LRFN5: variants seen among roughly 807,000 people sequenced by gnomAD.
The protein encoded by LRFN5 is leucine rich repeat and fibronectin type III domain containing 5.
Under a neutral mutation model 45.6 loss-of-function variants are expected in LRFN5, and 24 were observed. That is an observed-to-expected ratio of 0.53 (90% confidence interval 0.38 to 0.74). The LOEUF is 0.74. Ranked by LOEUF, LRFN5 falls within the 30% of genes least tolerant of loss-of-function variation. The pLI is 0.00. For missense variants in LRFN5, 776 were observed against 861.5 expected (o/e 0.90, Z 1.24); for synonymous variants, 340 against 313.8 (o/e 1.08, Z -0.88).
chr14:41,757,484 C>G (rs184993475), intron 1 of LRFN5, among the ~76,000 whole-genome samples: 14 of 152,372 alleles, frequency 9.2e-5, no homozygotes, highest in African/African-American at 3.4e-4. Flanking sequence ...GCCTCGCTGC[C>G]GCCTTGCAGT....
intron 2 of LRFN5, among the ~76,000 whole-genome samples, chr14:41,784,620 TGTGTGTGTGTTTG>T (rs1436077360): frequency 2.9e-4 from 22 of 77,076 alleles, no homozygotes; most frequent in African/African-American, 1.4e-3. Context: ...TGTGTGTGTA[TGTGTGTGTGTTTG>T]TGTGTGTGTG....
intron 1 of LRFN5, chr14:41,700,698 CAT>C (rs974988546): frequency 4.5e-4 from 69 of 152,032 alleles, no homozygotes; most frequent in African/African-American, 1.6e-3. Context: ...GGGATATAAT[CAT>C]AAAATCATAG....
At chr14:41,773,830 T>C (rs1886180072) in intron 2 of LRFN5, among the ~76,000 whole-genome samples, 1 of 152,236 alleles carries the variant, frequency 6.6e-6, no homozygotes, top group Non-Finnish European at 1.5e-5. Flanking sequence ...TAAACTATTG[T>C]GGTTAATATG....
At chr14:41,674,498 C>CG (rs1295781415) in intron 1 of LRFN5, among the ~76,000 whole-genome samples, 10 of 141,096 alleles carry the variant, frequency 7.1e-5, no homozygotes, top group African/African-American at 1.9e-4. Context: ...GCTGGCCGGG[C>CG]GGGGGGCTGA....
intron 1 of LRFN5, among the ~76,000 whole-genome samples, chr14:41,679,563 C>A (rs776320220): frequency 6.6e-6 from 1 of 152,088 alleles, no homozygotes; most frequent in Non-Finnish European, 1.5e-5. Context: ...AAATTCATCA[C>A]CTGCTGACTA....
chr14:41,852,245 A>C lies in LRFN5; in HGVS notation c.-20-34361A>C, dbSNP rs76071408. On this transcript the variant is annotated intron_variant, in intron 2 of 5. Transcript: ENST00000298119. ...TGTTAATTCACTCTCAGAAGTTGGC[A>C]AATAACATAATTAAATGAATCTATA... 6.9e-3 allele frequency among the ~76,000 whole-genome samples: 1,048 copies of C among 152,044 alleles called. 17 individuals carry two copies. Among genetic ancestry groups the C allele is most frequent in the African/African-American group, 0.024 (1,010 of 41,556 alleles).
At chr14:41,808,609 G>A (rs1887629875) in intron 2 of LRFN5, among the ~76,000 whole-genome samples, 1 of 150,524 alleles carries the variant, frequency 6.6e-6, no homozygotes, top group South Asian at 2.1e-4. Context: ...AAGGAAGGAA[G>A]GGACCTATGA....
At chr14:41,668,733 T>G (rs1488468309) in intron 1 of LRFN5, among the ~76,000 whole-genome samples, 1 of 152,148 alleles carries the variant, frequency 6.6e-6, no homozygotes, top group Non-Finnish European at 1.5e-5. Context: ...AAGTCTCAGA[T>G]TTGAAATAAG....
At position 41,886,633 on chromosome 14, in the gene LRFN5, A is replaced by G; in HGVS notation, c.8A>G (p.Lys3Arg). The G allele has an allele frequency of 3.8e-6, 6 of 1,576,488 alleles. No homozygotes were observed. Among genetic ancestry groups the G allele is most frequent in the Non-Finnish European group, 5.1e-6 (6 of 1,166,394 alleles). The change falls in exon 3 of 6, where the codon AAA becomes AGA. Residue 3 changes from lysine (K) to arginine (R), a missense_variant. Lys to Arg is a conservative substitution (Grantham distance 26). This residue lies in a region of LRFN5 where 311 missense variants were observed against 405.1 expected (regional missense o/e 0.77). Transcript: ENST00000298119. ME[K>R]ILFYLFLIGI... ...TCTTAAACCTGATCTACAATGGAAA[A>G]AATTCTTTTTTATCTGTTTCTCATT...
intron 2 of LRFN5, among the ~76,000 whole-genome samples, chr14:41,882,492 G>T (rs1478027221): frequency 6.6e-6 from 1 of 152,062 alleles, no homozygotes; most frequent in East Asian, 1.9e-4. Context: ...GAAAAGCAAG[G>T]TTGCCTGAAG....
intron 1 of LRFN5, among the ~76,000 whole-genome samples, chr14:41,651,544 T>A (rs1880126401): frequency 6.6e-6 from 1 of 152,174 alleles, no homozygotes; most frequent in African/African-American, 2.4e-5. Flanking sequence ...ATTCTCTAAT[T>A]TCTCCATGTA....
At chr14:41,799,410 C>T (rs550230198) in intron 2 of LRFN5, among the ~76,000 whole-genome samples, 1 of 151,922 alleles carries the variant, frequency 6.6e-6, no homozygotes, top group South Asian at 2.1e-4. Flanking sequence ...CAAATACAAA[C>T]TTAACAACTA....
chr14:41,862,028 G>C (rs1322710339), intron 2 of LRFN5, among the ~76,000 whole-genome samples: 3 of 152,094 alleles, frequency 2.0e-5, no homozygotes, highest in African/African-American at 2.4e-5. Flanking sequence ...ATATTTGGCA[G>C]TACCCCTCCG....
chr14:41,718,421 G>A (rs1230276501), intron 1 of LRFN5, among the ~76,000 whole-genome samples: 1 of 152,040 alleles, frequency 6.6e-6, no homozygotes, highest in Non-Finnish European at 1.5e-5. Flanking sequence ...TGTTTGACAT[G>A]GATTAAAAAG....
At chr14:41,723,463 A>C (rs79247143) in intron 1 of LRFN5, among the ~76,000 whole-genome samples, 1 of 152,176 alleles carries the variant, frequency 6.6e-6, no homozygotes, top group South Asian at 2.1e-4. Flanking sequence ...TTCTTGCACC[A>C]AGATTTCTGC....
intron 2 of LRFN5, among the ~76,000 whole-genome samples, chr14:41,857,218 T>G: frequency 6.6e-6 from 1 of 152,150 alleles, no homozygotes; most frequent in East Asian, 1.9e-4. Context: ...TAGATAAAAC[T>G]CAAGAAAAAA....
chr14:41,757,833 A>G (rs1277325597), intron 1 of LRFN5, among the ~76,000 whole-genome samples: 1 of 152,102 alleles, frequency 6.6e-6, no homozygotes, highest in Non-Finnish European at 1.5e-5. Flanking sequence ...AGAAATCACC[A>G]GTCTTCTGCG....
chr14:41,690,437 C>T (rs1326059854), intron 1 of LRFN5, among the ~76,000 whole-genome samples: 1 of 152,068 alleles, frequency 6.6e-6, no homozygotes, highest in Non-Finnish European at 1.5e-5. Flanking sequence ...CCTGTAGTCG[C>T]AGCTACTCAA....
intron 1 of LRFN5, among the ~76,000 whole-genome samples, chr14:41,721,026 T>A (rs1175319112): frequency 6.6e-6 from 1 of 152,122 alleles, no homozygotes; most frequent in Non-Finnish European, 1.5e-5. Context: ...AGTCTTTTCA[T>A]AGGTCTAGAA....
Sources: allele counts gnomAD v4.1 joint callset (sites outside exome capture counted in the v4.1 genomes callset), GRCh38; gene constraint gnomAD v4.1.1; regional missense constraint gnomAD v4.1.1; transcripts MANE v1.5; gene names NCBI Gene and HGNC (gene_info 2026-07-23, HGNC 2026-07-21).